MACROD2: variants seen among roughly 807,000 people sequenced by gnomAD.
The protein encoded by MACROD2 is ADP-ribose glycohydrolase MACROD2.
A neutral mutation model predicts 70.4 loss-of-function variants in MACROD2; 36 were observed. The ratio of observed to expected loss-of-function variants is 0.51; its 90% CI spans 0.39 to 0.68. MACROD2 has a LOEUF of 0.68. Ranked by LOEUF, MACROD2 falls within the 30% of genes least tolerant of loss-of-function variation. The probability of loss-of-function intolerance (pLI) is 0.00; values close to 1 mark genes in which losing one functional copy is unlikely to be tolerated. For missense variants in MACROD2, 496 were observed against 538.4 expected, an observed-to-expected ratio of 0.92 and a Z score of 0.78; for synonymous variants, 172 against 178.8, an observed-to-expected ratio of 0.96 and a Z score of 0.30.
chr20:14,711,814 T>G (rs955939011), intron 5 of MACROD2, among the ~76,000 whole-genome samples: 1 of 152,178 alleles, frequency 6.6e-6, no homozygotes, highest in Non-Finnish European at 1.5e-5. Context: ...TTCACTTTCT[T>G]TAGAGCACTT....
chr20:14,331,779 T>C (rs2082845668), intron 3 of MACROD2, among the ~76,000 whole-genome samples: 1 of 152,114 alleles, frequency 6.6e-6, no homozygotes, highest in South Asian at 2.1e-4. Flanking sequence ...CTCCTATCCT[T>C]AGACCTTCCC....
At chr20:14,309,286 T>C (rs928243492) in intron 3 of MACROD2, among the ~76,000 whole-genome samples, 1 of 152,184 alleles carries the variant, frequency 6.6e-6, no homozygotes, top group Non-Finnish European at 1.5e-5. Flanking sequence ...CTTAGACCCT[T>C]CACGTAATTT....
At chr20:15,746,239 G>A (rs1422519041) in intron 8 of MACROD2, among the ~76,000 whole-genome samples, 2 of 151,888 alleles carry the variant, frequency 1.3e-5, no homozygotes, top group East Asian at 3.8e-4. Flanking sequence ...TATCTTTTGT[G>A]AGAATTATTT....
At chr20:15,766,851 C>T (rs934142987) in intron 8 of MACROD2, among the ~76,000 whole-genome samples, 5 of 152,214 alleles carry the variant, frequency 3.3e-5, no homozygotes, top group African/African-American at 1.2e-4. Context: ...GAGTTCTCTC[C>T]ATGCGGGGTC....
chr20:15,000,965 T>C (rs2074990628), intron 5 of MACROD2, among the ~76,000 whole-genome samples: 1 of 152,154 alleles, frequency 6.6e-6, no homozygotes, highest in Non-Finnish European at 1.5e-5. Flanking sequence ...CATTACTTGC[T>C]TTTTCTGTAC....
chr20:14,286,058 T>C (rs1230552295), intron 3 of MACROD2, among the ~76,000 whole-genome samples: 1 of 152,104 alleles, frequency 6.6e-6, no homozygotes, highest in Non-Finnish European at 1.5e-5. Context: ...GTTTTTCTTA[T>C]ATGTTCACTA....
At chr20:14,103,820 T>A (rs1038900103) in intron 3 of MACROD2, among the ~76,000 whole-genome samples, 1 of 152,128 alleles carries the variant, frequency 6.6e-6, no homozygotes, top group African/African-American at 2.4e-5. Context: ...TATTTAATCA[T>A]CCCCTCATTG....
chr20:15,768,136 GTC>G (rs200015814), intron 8 of MACROD2, among the ~76,000 whole-genome samples: 7 of 148,988 alleles, frequency 4.7e-5, no homozygotes, highest in Admixed American at 2.0e-4. Context: ...GTGTGTATGT[GTC>G]TGTGTGTGTG....
intron 5 of MACROD2, among the ~76,000 whole-genome samples, chr20:14,980,541 A>G (rs1186852973): frequency 2.6e-5 from 4 of 152,210 alleles, no homozygotes; most frequent in African/African-American, 9.6e-5. Context: ...ACAGGTGGAT[A>G]TAATCATTAT....
At chr20:15,483,162 CT>C (rs1181723782) in intron 7 of MACROD2, among the ~76,000 whole-genome samples, 2 of 152,038 alleles carry the variant, frequency 1.3e-5, no homozygotes, top group Admixed American at 1.3e-4. Flanking sequence ...AGGTTTTATC[CT>C]GTTATCCCCT....
At chr20:14,576,743 T>C (rs1266112357) in intron 4 of MACROD2, among the ~76,000 whole-genome samples, 3 of 152,160 alleles carry the variant, frequency 2.0e-5, no homozygotes, top group Non-Finnish European at 4.4e-5. Flanking sequence ...TTAAAACTTC[T>C]GGTATATTAT....
At chr20:13,998,994 C>T (rs1211768763) in intron 1 of MACROD2, among the ~76,000 whole-genome samples, 1 of 151,608 alleles carries the variant, frequency 6.6e-6, no homozygotes, top group Non-Finnish European at 1.5e-5. Flanking sequence ...AAATAAATGC[C>T]ATGTAATATG....
intron 5 of MACROD2, among the ~76,000 whole-genome samples, chr20:15,202,574 T>C (rs1303511041): frequency 6.6e-6 from 1 of 152,212 alleles, no homozygotes; most frequent in Admixed American, 6.5e-5. Context: ...TAAAATGATT[T>C]AAAATAATCA....
At position 14,404,606 on chromosome 20, in the gene MACROD2, A is replaced by AT. The variant is rs200534135; in HGVS notation, c.272-88873_272-88872insT. ...AGTGAGACCCCCATCTCCAAAAAAA[A>AT]AATAATAATATATTGAAACCCTGAA... On this transcript the variant is annotated intron_variant, in intron 3 of 17. Coordinates refer to ENST00000684519, the MANE Select transcript of MACROD2 (RefSeq NM_001351661.2). 1.6e-4 allele frequency among the ~76,000 whole-genome samples: 24 copies of AT among 151,924 alleles called. No homozygotes were observed. The East Asian group carries it at 2.5e-3, about 16-fold the overall frequency.
At chr20:15,858,813 C>G (rs1391533433) in intron 8 of MACROD2, among the ~76,000 whole-genome samples, 1 of 152,148 alleles carries the variant, frequency 6.6e-6, no homozygotes, top group Non-Finnish European at 1.5e-5. Context: ...AACTGTATCA[C>G]CTCATGGATT....
intron 5 of MACROD2, among the ~76,000 whole-genome samples, chr20:14,847,230 T>TTA (rs1406891271): frequency 6.6e-6 from 1 of 152,190 alleles, no homozygotes; most frequent in Non-Finnish European, 1.5e-5. Context: ...TGAACTCTAA[T>TTA]GAGTTTAGGA....
intron 2 of MACROD2, chr20:14,003,781 A>AC: frequency 1.9e-5 from 1 of 53,770 alleles, no homozygotes; most frequent in Admixed American, 2.0e-4. Flanking sequence ...TACAAAGGTT[A>AC]AAAAAAAAAA....
intron 8 of MACROD2, among the ~76,000 whole-genome samples, chr20:15,809,356 A>G (rs148855336): frequency 3.2e-4 from 49 of 152,258 alleles, no homozygotes; most frequent in African/African-American, 1.1e-3. Context: ...GTGTTGCTAT[A>G]AAGTAATACC....
chr20:14,684,836 C>T lies in MACROD2; in HGVS notation c.302-7C>T, dbSNP rs779683538. Reference sequence around the variant, plus strand: ...AATATAAGCTAACTTTCTTCTTTCTCCCTTAGTGGATGGCTGTATTCATAG... The same window carrying T: ...AATATAAGCTAACTTTCTTCTTTCTTCCTTAGTGGATGGCTGTATTCATAG... On this transcript the variant is annotated splice_region_variant and splice_polypyrimidine_tract_variant and intron_variant, in intron 4 of 17. Transcript: ENST00000684519. 3 of 1,610,198 alleles carry T rather than the reference C, an allele frequency of 1.9e-6. No individual in the cohort carries two copies. Among genetic ancestry groups the T allele is most frequent in the African/African-American group, 1.3e-5 (1 of 74,802 alleles).
Sources: gnomAD v4.1 joint callset for allele counts (sites outside exome capture counted in the v4.1 genomes callset) on GRCh38, gnomAD v4.1.1 for gene constraint, MANE v1.5 for transcripts, NCBI Gene and HGNC (gene_info 2026-07-23, HGNC 2026-07-21) for gene names.